The following AMBRA1 variants were observed in gnomAD, a reference collection of about 807,000 sequenced individuals.
AMBRA1 encodes activating molecule in BECN1-regulated autophagy protein 1.
Under a neutral mutation model 125.4 loss-of-function variants are expected in AMBRA1, and 47 were observed. The ratio of observed to expected loss-of-function variants is 0.37; its 90% CI spans 0.30 to 0.48. The LOEUF is 0.48. AMBRA1 is among the 20% of genes least tolerant of loss of function. The pLI is 0.99. For missense variants in AMBRA1, 1,331 were observed against 1,693.4 expected (o/e 0.79, Z 3.76); for synonymous variants, 626 against 655.5 (o/e 0.95, Z 0.69).
At chr11:46,443,414 C>A (rs1948115719) in intron 12 of AMBRA1, 74 bp downstream of exon 12, 1 of 1,177,250 alleles carries the variant, frequency 8.5e-7, no homozygotes, top group Admixed American at 1.8e-5. Flanking sequence ...ACCCAGTGCT[C>A]CATGAATTTT....
chr11:46,574,388 G>C (rs1490713619), intron 1 of AMBRA1, among the ~76,000 whole-genome samples: 4 of 151,406 alleles, frequency 2.6e-5, no homozygotes, highest in African/African-American at 4.9e-5. Context: ...TCTCATTGTG[G>C]TTTTGATTTG....
chr11:46,430,653 G>A (rs966708375), intron 14 of AMBRA1, among the ~76,000 whole-genome samples: 8 of 152,180 alleles, frequency 5.3e-5, no homozygotes, highest in African/African-American at 1.9e-4. Flanking sequence ...CTTGGGGAGA[G>A]ATGTCACTTA....
intron 7 of AMBRA1, among the ~76,000 whole-genome samples, chr11:46,523,886 G>A (rs1216061927): frequency 6.6e-6 from 1 of 152,084 alleles, no homozygotes; most frequent in East Asian, 1.9e-4. Flanking sequence ...TATTTATTTT[G>A]AGATAGAGTT....
intron 7 of AMBRA1, among the ~76,000 whole-genome samples, chr11:46,530,020 G>A (rs949569185): frequency 2.0e-5 from 3 of 152,088 alleles, no homozygotes; most frequent in Admixed American, 2.0e-4. Context: ...ATTACAATAA[G>A]CAAAATATGT....
At chr11:46,401,002 T>C (rs190263530) in intron 17 of AMBRA1, among the ~76,000 whole-genome samples, 132 of 152,150 alleles carry the variant, frequency 8.7e-4, no homozygotes, top group African/African-American at 3.0e-3. Flanking sequence ...CTTCTAACAG[T>C]GGGGCAGAAG....
intron 1 of AMBRA1, among the ~76,000 whole-genome samples, chr11:46,592,861 ATCC>A (rs2044656202): frequency 6.6e-6 from 1 of 152,184 alleles, no homozygotes; most frequent in Admixed American, 6.5e-5. Context: ...AGTCTTGACC[ATCC>A]TCTACTAGAC....
At chr11:46,569,896 G>A (rs2135270852) in intron 1 of AMBRA1, among the ~76,000 whole-genome samples, 1 of 152,206 alleles carries the variant, frequency 6.6e-6, no homozygotes, top group South Asian at 2.1e-4. Context: ...AGAAGGCGGA[G>A]GTTGCAGTGA....
chr11:46,419,141 C>G (rs779539650), intron 14 of AMBRA1, among the ~76,000 whole-genome samples: 1 of 152,204 alleles, frequency 6.6e-6, no homozygotes, highest in African/African-American at 2.4e-5. Flanking sequence ...AGGCACACAA[C>G]TTGTTTCTAG....
intron 11 of AMBRA1, among the ~76,000 whole-genome samples, chr11:46,485,437 G>A (rs757833047): frequency 6.6e-6 from 1 of 152,188 alleles, no homozygotes; most frequent in Non-Finnish European, 1.5e-5. Flanking sequence ...CCAAGCCCAG[G>A]CTTACACCCC....
chr11:46,412,441 C>T (rs777242623), intron 15 of AMBRA1, among the ~76,000 whole-genome samples: 4 of 152,010 alleles, frequency 2.6e-5, no homozygotes, highest in Non-Finnish European at 5.9e-5. Context: ...TGCCTCACCA[C>T]GCCTGGCTAA....
At chr11:46,557,280 G>A (rs1309467333) in intron 1 of AMBRA1, among the ~76,000 whole-genome samples, 3 of 146,610 alleles carry the variant, frequency 2.0e-5, no homozygotes, top group Admixed American at 1.4e-4. Context: ...CAGCCTGGGG[G>A]AGAGAGTGAG....
chr11:46,420,511 T>A (rs180845432), intron 14 of AMBRA1, among the ~76,000 whole-genome samples: 1 of 152,362 alleles, frequency 6.6e-6, no homozygotes, highest in Non-Finnish European at 1.5e-5. Context: ...CCTTTATTCT[T>A]TCTCATGGAG....
intron 1 of AMBRA1, among the ~76,000 whole-genome samples, chr11:46,581,391 G>A (rs1487265120): frequency 5.9e-5 from 9 of 151,904 alleles, no homozygotes; most frequent in Non-Finnish European, 8.8e-5. Flanking sequence ...GGCAGATCAC[G>A]AAGTCAGGAG....
chr11:46,584,768 C>T (rs2044307669), intron 1 of AMBRA1, among the ~76,000 whole-genome samples: 1 of 152,022 alleles, frequency 6.6e-6, no homozygotes, highest in Admixed American at 6.6e-5. Flanking sequence ...ACCACCATTT[C>T]CAGCTAATTT....
rs116263221 is a variant in AMBRA1, at chr11:46,538,435, T to C, written c.2072+3510A>G. On this transcript the variant is annotated intron_variant, in intron 7 of 17. Transcript: ENST00000683756. Reference sequence around the variant, plus strand: ...TGAACTTTAAACCACAATGCATATATTTTTTGGCACCAGAAAAGAAAAAAA... The same window carrying C: ...TGAACTTTAAACCACAATGCATATACTTTTTGGCACCAGAAAAGAAAAAAA... Among the ~76,000 whole-genome samples the C allele has an allele frequency of 4.3e-3, 648 of 152,296 alleles. 4 individuals are homozygous for C. The highest frequency in any genetic ancestry group is 0.013 in the African/African-American group (538 of 41,568).
chr11:46,554,933 T>C (rs1463637773), intron 1 of AMBRA1, among the ~76,000 whole-genome samples: 3 of 152,070 alleles, frequency 2.0e-5, no homozygotes, highest in Non-Finnish European at 4.4e-5. Context: ...GGCTAGGATA[T>C]GTACATAAGA....
intron 7 of AMBRA1, among the ~76,000 whole-genome samples, chr11:46,519,827 C>T (rs557214965): frequency 1.3e-5 from 2 of 152,214 alleles, no homozygotes; most frequent in South Asian, 4.2e-4. Context: ...ACTTTTTGCT[C>T]CCAGGACTCC....
At chr11:46,497,813 G>A (rs980743325) in intron 9 of AMBRA1, among the ~76,000 whole-genome samples, 3 of 152,122 alleles carry the variant, frequency 2.0e-5, no homozygotes, top group African/African-American at 7.2e-5. Context: ...AATAACTAAA[G>A]GCAGAAACAG....
chr11:46,570,759 G>GA (rs768927315), intron 1 of AMBRA1, among the ~76,000 whole-genome samples: 1 of 151,854 alleles, frequency 6.6e-6, no homozygotes, highest in Admixed American at 6.6e-5. Flanking sequence ...CATGACAACA[G>GA]AAAAAATTCA....
Sources: gnomAD v4.1 joint callset for allele counts (sites outside exome capture counted in the v4.1 genomes callset) on GRCh38, gnomAD v4.1.1 for gene constraint, MANE v1.5 for transcripts, NCBI Gene and HGNC (gene_info 2026-07-23, HGNC 2026-07-21) for gene names.